The following YARS1 variants were observed in gnomAD, a reference collection of about 807,000 sequenced individuals.
YARS1 encodes the protein tyrosyl-tRNA synthetase 1, also known as tyrosine--tRNA ligase, cytoplasmic.
Under a neutral mutation model 62.2 loss-of-function variants are expected in YARS1, and 36 were observed. The ratio of observed to expected loss-of-function variants is 0.58; its 90% CI spans 0.44 to 0.76. The LOEUF is 0.76. YARS1 is among the 30% of genes least tolerant of loss of function. The pLI is 0.00. For synonymous variants in YARS1, 234 were observed against 244.9 expected (o/e 0.96, Z 0.42); for missense variants, 524 against 639.8 (o/e 0.82, Z 1.95).
chr1:32,811,519 C>T (rs542716479), intron 1 of YARS1: 8 of 209,120 alleles, frequency 3.8e-5, no homozygotes, highest in Non-Finnish European at 6.9e-5. Context: ...AAAGCCCCTG[C>T]GCCCGGAACT....
chr1:32,815,381 T>C (rs995397378), intron 1 of YARS1, among the ~76,000 whole-genome samples: 12 of 152,002 alleles, frequency 7.9e-5, no homozygotes, highest in Admixed American at 4.6e-4. Context: ...AAAAACCCAA[T>C]TGAGTCAATT....
At chr1:32,797,668 A>G (rs1461623355) in intron 5 of YARS1, 95 bp downstream of exon 5, 6 of 1,068,202 alleles carry the variant, frequency 5.6e-6, no homozygotes. Flanking sequence ...TTTACCATAC[A>G]CTATGACTAG....
chr1:32,793,468 T>A (rs1569737210), intron 5 of YARS1, among the ~76,000 whole-genome samples: 1 of 151,850 alleles, frequency 6.6e-6, no homozygotes, highest in East Asian at 1.9e-4. Flanking sequence ...CATGGTGAAA[T>A]TCCATCTCCA....
chr1:32,790,890 G>A, intron 6 of YARS1: 1 of 428,242 alleles, frequency 2.3e-6, no homozygotes, highest in Non-Finnish European at 4.3e-6. Flanking sequence ...CATTAATAAG[G>A]CTGAATTTCA....
rs528831766 is a variant in YARS1 at position 32,781,796 on chromosome 1, G to A, written c.1042+608C>T. 2.5e-5 allele frequency: 4 copies of A among 160,774 alleles called. No homozygotes were observed. In the East Asian group the frequency reaches 5.4e-4, roughly 22 times the overall value. The allele number at this position is 160,774 out of a possible 1,614,324, so 10.0% of individuals were successfully genotyped here. On this transcript the variant is annotated intron_variant, in intron 9 of 12. Coordinates refer to ENST00000373477, the MANE Select transcript of YARS1 (RefSeq NM_003680.4). ...CCTATATACCGGTTGGGTATAATAG[G>A]TCTAATCTAATTTCTATCATTTTTC... is the stretch of plus-strand genomic sequence containing the variant.
At chr1:32,805,541 C>T (rs1638440223) in intron 4 of YARS1, among the ~76,000 whole-genome samples, 1 of 152,168 alleles carries the variant, frequency 6.6e-6, no homozygotes, top group African/African-American at 2.4e-5. Context: ...TTTGAATTTC[C>T]TTCAAGAACT....
chr1:32,808,851 A>G (rs982998035), intron 3 of YARS1, among the ~76,000 whole-genome samples: 1 of 152,206 alleles, frequency 6.6e-6, no homozygotes, highest in African/African-American at 2.4e-5. Context: ...TCTGATACAC[A>G]TATAACTCAT....
At chr1:32,799,842 A>G (rs903299151) in intron 4 of YARS1, among the ~76,000 whole-genome samples, 2 of 152,094 alleles carry the variant, frequency 1.3e-5, no homozygotes, top group Non-Finnish European at 2.9e-5. Context: ...TCACACACAC[A>G]GAATAAAACA....
chr1:32,799,914 C>T (rs1429774525), intron 4 of YARS1, among the ~76,000 whole-genome samples: 1 of 152,112 alleles, frequency 6.6e-6, no homozygotes, highest in Non-Finnish European at 1.5e-5. Context: ...AGCGATCCTC[C>T]TGCCTTGGAC....
At chr1:32,777,722 G>A (rs1474687501) in intron 12 of YARS1, among the ~76,000 whole-genome samples, 3 of 152,174 alleles carry the variant, frequency 2.0e-5, no homozygotes, top group African/African-American at 7.2e-5. Context: ...AGTCCAGGAG[G>A]TTTACAGGCT....
intron 6 of YARS1, among the ~76,000 whole-genome samples, chr1:32,787,900 C>G (rs1173607294): frequency 6.6e-6 from 1 of 152,144 alleles, no homozygotes; most frequent in Non-Finnish European, 1.5e-5. Flanking sequence ...CGCTTGAGCC[C>G]AGGAGTTCAA....
chr1:32,778,227 T>C (rs1179976666), intron 12 of YARS1, among the ~76,000 whole-genome samples: 2 of 152,214 alleles, frequency 1.3e-5, no homozygotes, highest in African/African-American at 2.4e-5. Flanking sequence ...CCCAGAATAC[T>C]GCCTGACAGC....
rs147005844 is a variant in YARS1, at chr1:32,779,509, C to G, written c.1349G>C (p.Arg450Pro). The G allele has an allele frequency of 6.2e-7, 1 of 1,614,148 alleles. No homozygotes were observed. Among genetic ancestry groups the G allele is most frequent in the Admixed American group, 1.7e-5 (1 of 60,018 alleles). ...CGGAGGGTCCAGAGGTTCAACCTGG[C>G]GGTTTATCCCTTCTCTGGGAAGACA... ...LLCASIEGINRQVEPLDPPAG... is the reference protein window; with the variant it reads ...LLCASIEGINPQVEPLDPPAG... The change falls in exon 12 of 13, where the codon CGC (arginine) becomes CCC (proline). Residue 450 changes from arginine (R) to proline (P), a missense_variant. By Grantham distance (103) the Arg-to-Pro change is moderately radical (BLOSUM62 -2). Coordinates refer to ENST00000373477, the MANE Select transcript of YARS1 (RefSeq NM_003680.4).
intron 1 of YARS1, chr1:32,811,569 G>C (rs1407713214): frequency 5.7e-6 from 1 of 176,600 alleles, no homozygotes; most frequent in Non-Finnish European, 1.2e-5. Flanking sequence ...TAACTTTTTT[G>C]CCTGTTTTAC....
rs997662466 is a variant in YARS1 at position 32,805,093 on chromosome 1, C to T, written c.510+1389G>A. ...CAAAAAATACAAATTGCAGGCGTGG[C>T]GGCACGCGCCTGCAATCCCAGGCAC... On this transcript the variant is annotated intron_variant, in intron 4 of 12. Transcript: ENST00000373477. Among the ~76,000 whole-genome samples the T allele has an allele frequency of 2.0e-5, 3 of 152,150 alleles. No homozygotes were observed. The East Asian group carries it at 5.8e-4, about 29-fold the overall frequency.
intron 6 of YARS1, among the ~76,000 whole-genome samples, chr1:32,789,900 TGA>T (rs1367418435): frequency 6.7e-6 from 1 of 149,708 alleles, no homozygotes; most frequent in African/African-American, 2.5e-5. Context: ...CTTTTTTTTT[TGA>T]GAGGGAGTCT....
chr1:32,782,806 T>C (rs907799044), intron 8 of YARS1: 14 of 472,822 alleles, frequency 3.0e-5, no homozygotes, highest in Non-Finnish European at 5.0e-5. Context: ...AGTCCCTCCA[T>C]TTATGCTTAG....
intron 10 of YARS1, chr1:32,780,488 T>G: frequency 1.7e-6 from 1 of 604,132 alleles, no homozygotes; most frequent in Non-Finnish European, 2.9e-6. Flanking sequence ...CAGATTTGAG[T>G]AAAGTGGACC....
intron 3 of YARS1, among the ~76,000 whole-genome samples, chr1:32,810,258 A>C (rs377550458): frequency 1.2e-4 from 19 of 152,098 alleles, no homozygotes; most frequent in Middle Eastern, 3.2e-3. Context: ...CATTTCTTTT[A>C]TTATTATTTG....
Sources: gnomAD v4.1 joint callset for allele counts (sites outside exome capture counted in the v4.1 genomes callset) on GRCh38, gnomAD v4.1.1 for gene constraint, MANE v1.5 for transcripts, NCBI Gene and HGNC (gene_info 2026-07-23, HGNC 2026-07-21) for gene names.